Variants in PRKCZ observed in about 807,000 individuals in gnomAD.
The protein encoded by PRKCZ is protein kinase C zeta.
PRKCZ carries 33 observed loss-of-function variants against 79.5 expected under a neutral mutation model. That is an observed-to-expected ratio of 0.41 (90% CI 0.31 to 0.55). The LOEUF (loss-of-function observed/expected upper bound fraction) is 0.55, where lower values mean the gene tolerates loss of function less well. Ranked by LOEUF, PRKCZ falls within the 20% of genes least tolerant of loss-of-function variation. The pLI is 0.19. For missense variants in PRKCZ, 578 were observed against 813.5 expected (o/e 0.71, Z 3.52); for synonymous variants, 342 against 320.9 (o/e 1.07, Z -0.70).
chr1:2,155,961 G>T, intron 9 of PRKCZ, 34 bp from the exon 10 acceptor site: 1 of 1,588,162 alleles, frequency 6.3e-7, no homozygotes, highest in Non-Finnish European at 8.6e-7. Flanking sequence ...GAGCATTCGG[G>T]AGCCTCATTA....
In PRKCZ at chr1:2,118,059, C is replaced by T. The variant is rs1293387539; in HGVS notation, c.335-17203C>T. Among the ~76,000 whole-genome samples the T allele has an allele frequency of 1.1e-4, 13 of 115,338 alleles. No individual in the cohort carries two copies. The South Asian group carries it at 1.2e-3, about 10-fold the overall frequency. The allele number at this position is 115,338 out of a possible 152,430, so 75.7% of individuals were successfully genotyped here. On this transcript the variant is annotated intron_variant, in intron 4 of 17. Transcript: ENST00000378567. ...CAGGCTGGAGTGGAGTTCAGTGGCC[C>T]GATCTGGGCGCACTGCAACCTCCGC... is the stretch of plus-strand genomic sequence containing the variant.
At chr1:2,122,712 TGTGGTGGTTAGGGTC>T (rs1557619246) in intron 4 of PRKCZ, among the ~76,000 whole-genome samples, 1 of 5,278 alleles carries the variant, frequency 1.9e-4, no homozygotes, top group African/African-American at 2.1e-3. Context: ...TGGTTAGGGT[TGTGGTGGTTAGGGTC>T]GTGGTGGTTA....
chr1:2,160,015 T>TA (rs1681893103), intron 10 of PRKCZ, among the ~76,000 whole-genome samples: 1 of 152,176 alleles, frequency 6.6e-6, no homozygotes, highest in Non-Finnish European at 1.5e-5. Flanking sequence ...ACCCTTAAAA[T>TA]ACGCCCATTC....
chr1:2,173,952 G>A lies in PRKCZ; in HGVS notation c.1341G>A (p.Gly447=). The change falls in exon 14 of 18, where the codon GGG becomes GGA. Residue 447 remains glycine, a synonymous_variant. Transcript: ENST00000378567. The surrounding 1 kb of genome is among the most constrained non-coding windows in gnomAD (Gnocchi z 5.7). ...LGVLMFEMMA[G]RSPFDIITDN... ...TCCTCATGTTTGAGATGATGGCCGGGCGCTCCCCGTTCGACATCATCACCG... is the reference window on the plus strand; with the variant it reads ...TCCTCATGTTTGAGATGATGGCCGGACGCTCCCCGTTCGACATCATCACCG... The A allele has an allele frequency of 1.2e-6, 2 of 1,612,832 alleles. No individual in the cohort carries two copies. The highest frequency in any genetic ancestry group is 8.5e-7 in the Non-Finnish European group (1 of 1,179,512).
chr1:2,115,471 C>T lies in PRKCZ; in HGVS notation c.335-19791C>T, dbSNP rs192459568. Among the ~76,000 whole-genome samples the T allele has an allele frequency of 8.5e-5, 13 of 152,354 alleles. 1 individual carries two copies. The East Asian group carries it at 1.5e-3, about 18-fold the overall frequency. On this transcript the variant is annotated intron_variant, in intron 4 of 17. Coordinates refer to ENST00000378567, the MANE Select transcript of PRKCZ (RefSeq NM_002744.6). ...GCCTCCAGTTATGTGGGGTTTTCTG[C>T]ACCCACAGCCACTCTGGCGCCAGCT...
chr1:2,174,051 T>C lies in PRKCZ; in HGVS notation c.1405+35T>C. 6.5e-7 allele frequency: 1 copy of C among 1,548,084 alleles called. No homozygotes were observed. Among genetic ancestry groups the C allele is most frequent in the Non-Finnish European group, 8.8e-7 (1 of 1,141,040 alleles). On this transcript the variant is annotated intron_variant, in intron 14 of 17. Coordinates refer to ENST00000378567, the MANE Select transcript of PRKCZ (RefSeq NM_002744.6). This position sits in a 1 kb window ranked among gnomAD's most constrained non-coding sequence, Gnocchi z 6.2. ...CCGCTGTGCGTTCGTACCCCTCACC[T>C]GCACGACTGTCTTCCTTCCTTTTCA...
chr1:2,149,357 T>G lies in PRKCZ; in HGVS notation c.687+433T>G, dbSNP rs528123328. On this transcript the variant is annotated intron_variant, in intron 8 of 17. Coordinates refer to ENST00000378567, the MANE Select transcript of PRKCZ (RefSeq NM_002744.6). This position sits in a 1 kb window ranked among gnomAD's most constrained non-coding sequence, Gnocchi z 4.1. ...CCCAACTTGAGCCAAGAGGCTCAAC[T>G]GAGCCTCACGTCTGTGGCCAGCTCT... Among the ~76,000 whole-genome samples, 2 of 152,352 alleles carry G rather than the reference T, an allele frequency of 1.3e-5. No individual in the cohort carries two copies. Among genetic ancestry groups the G allele is most frequent in the African/African-American group, 4.8e-5 (2 of 41,574 alleles).
At position 2,094,727 on chromosome 1, in the gene PRKCZ, G is replaced by A. The variant is rs568435661; in HGVS notation, c.334+35136G>A. On this transcript the variant is annotated intron_variant, in intron 4 of 17. Coordinates refer to ENST00000378567, the MANE Select transcript of PRKCZ (RefSeq NM_002744.6). The surrounding 1 kb of genome is among the most constrained non-coding windows in gnomAD (Gnocchi z 7.3). ...GCTCGTTGAACCTTGGGCGCTGCCCGTTCTGAGGCGCCCGCTGTGCCCGGC... is the reference window on the plus strand; with the variant it reads ...GCTCGTTGAACCTTGGGCGCTGCCCATTCTGAGGCGCCCGCTGTGCCCGGC... 2.3e-4 allele frequency among the ~76,000 whole-genome samples: 35 copies of A among 149,308 alleles called. No individual in the cohort carries two copies. Among genetic ancestry groups the A allele is most frequent in the Non-Finnish European group, 3.9e-4 (26 of 67,156 alleles).
chr1:2,170,503 C>A (rs375806296), intron 11 of PRKCZ, among the ~76,000 whole-genome samples: 3 of 147,946 alleles, frequency 2.0e-5, no homozygotes, highest in Non-Finnish European at 4.5e-5. Context: ...CAACACACAA[C>A]ATAAAAGGTA....
At chr1:2,111,468 G>A (rs6690329) in intron 4 of PRKCZ, among the ~76,000 whole-genome samples, 4,885 of 151,938 alleles carry the variant, frequency 0.032, 266 homozygotes, top group African/African-American at 0.11. Context: ...GGTGTCTCCA[G>A]AGAAGCTGGT....
At chr1:2,180,940 G>A (rs1370965163) in intron 16 of PRKCZ, among the ~76,000 whole-genome samples, 1 of 152,184 alleles carries the variant, frequency 6.6e-6, no homozygotes, top group Non-Finnish European at 1.5e-5. Flanking sequence ...CCATGTGGCC[G>A]GCTAGTATGG....
chr1:2,148,766 C>T (rs951749755), intron 7 of PRKCZ, 106 bp from the exon 8 acceptor site: 23 of 1,130,020 alleles, frequency 2.0e-5, no homozygotes, highest in Admixed American at 9.8e-5. Flanking sequence ...TGTGGATTCA[C>T]CCTTCACCGT....
chr1:2,098,916 C>T (rs902357873), intron 4 of PRKCZ, among the ~76,000 whole-genome samples: 7 of 152,156 alleles, frequency 4.6e-5, no homozygotes, highest in Admixed American at 4.6e-4. Flanking sequence ...TTCCTGACCT[C>T]GTGATCCACC....
intron 4 of PRKCZ, among the ~76,000 whole-genome samples, chr1:2,062,890 T>A (rs1417456627): frequency 1.3e-5 from 2 of 152,104 alleles, no homozygotes; most frequent in African/African-American, 4.8e-5. Flanking sequence ...CTCTTCATCT[T>A]CCCAGACTCA....
chr1:2,105,784 G>A (rs1426020078), intron 4 of PRKCZ, among the ~76,000 whole-genome samples: 3 of 152,188 alleles, frequency 2.0e-5, no homozygotes, highest in African/African-American at 4.8e-5. Context: ...GGGTGGCTGC[G>A]TGCCCCTGGG....
chr1:2,068,204 AT>A (rs1330852248), intron 4 of PRKCZ, among the ~76,000 whole-genome samples: 1 of 152,222 alleles, frequency 6.6e-6, no homozygotes, highest in East Asian at 1.9e-4. Context: ...ACGGGAGAGC[AT>A]CGCTAGGGAG....
chr1:2,146,000 G>A (rs780509050), intron 6 of PRKCZ, 27 bp from the exon 7 acceptor site: 29 of 1,579,886 alleles, frequency 1.8e-5, no homozygotes, highest in East Asian at 4.5e-5. Flanking sequence ...ACTTGGTCAT[G>A]CTGCCATCTC....
At chr1:2,087,671 G>C (rs1454130721) in intron 4 of PRKCZ, among the ~76,000 whole-genome samples, 3 of 152,316 alleles carry the variant, frequency 2.0e-5, no homozygotes, top group Middle Eastern at 3.4e-3. Context: ...TGCGATGCCA[G>C]CAGAAAGACG....
rs1277225445 is a variant in PRKCZ, at chr1:2,075,070, C to A, written c.334+15479C>A. ...CGAAGGGACCTCAGCAGACGCAGGG[C>A]TGCTCCGCACAGCCAGCTTGGGCCG... On this transcript the variant is annotated intron_variant, in intron 4 of 17. Transcript: ENST00000378567. This position sits in a 1 kb window ranked among gnomAD's most constrained non-coding sequence, Gnocchi z 4.8. 1 of 152,174 alleles carries A rather than the reference C, an allele frequency of 6.6e-6. No individual in the cohort carries two copies. The highest frequency in any genetic ancestry group is 1.5e-5 in the Non-Finnish European group (1 of 68,090). 9.4% of individuals were successfully genotyped at this position (152,174 alleles called of 1,614,324 possible). A position where few individuals can be genotyped will look rare whatever the true frequency, so the allele number is the denominator to read the frequency against.
Sources: gnomAD v4.1 joint callset for allele counts (sites outside exome capture counted in the v4.1 genomes callset) on GRCh38, gnomAD v4.1.1 for gene constraint, Gnocchi (gnomAD v3.1) non-coding constraint, MANE v1.5 for transcripts, NCBI Gene and HGNC (gene_info 2026-07-23, HGNC 2026-07-21) for gene names.